The following RBM19 variants were observed in gnomAD, a reference collection of about 807,000 sequenced individuals.
RBM19 encodes the protein probable RNA-binding protein 19.
RBM19 carries 94 observed loss-of-function variants against 116.8 expected under a neutral mutation model. That is an observed-to-expected ratio of 0.80 (90% CI 0.68 to 0.95). The LOEUF is 0.95. Ranked by LOEUF, RBM19 falls within the 40% of genes least tolerant of loss-of-function variation. The pLI, the probability that RBM19 is intolerant of heterozygous loss-of-function variation, is 0.00. For missense variants in RBM19, 1,161 were observed against 1,220.7 expected, an observed-to-expected ratio of 0.95 and a Z score of 0.73; for synonymous variants, 475 against 494.1, an observed-to-expected ratio of 0.96 and a Z score of 0.51.
chr12:113,829,629 GGGT>G (rs1228965391), intron 23 of RBM19, among the ~76,000 whole-genome samples: 1 of 152,254 alleles, frequency 6.6e-6, no homozygotes, highest in Non-Finnish European at 1.5e-5. Flanking sequence ...CTGGGGCTCA[GGGT>G]GGACAGGACG....
At chr12:113,932,422 C>T (rs1174680741) in intron 16 of RBM19, 1 of 152,246 alleles carries the variant, frequency 6.6e-6, no homozygotes, top group Non-Finnish European at 1.5e-5. Context: ...GTTGGAAATC[C>T]CTAACCCTGG....
At chr12:113,826,358 C>G (rs1874856251) in intron 23 of RBM19, among the ~76,000 whole-genome samples, 1 of 152,188 alleles carries the variant, frequency 6.6e-6, no homozygotes, top group South Asian at 2.1e-4. Context: ...TCCCAATGCC[C>G]AGAACTGTGC....
chr12:113,828,089 G>C (rs889957454), intron 23 of RBM19, among the ~76,000 whole-genome samples: 1 of 131,028 alleles, frequency 7.6e-6, no homozygotes, highest in Non-Finnish European at 1.6e-5. Flanking sequence ...AGCAGCTCTC[G>C]ACTCTGTCTC....
chr12:113,955,031 A>C, intron 7 of RBM19, 100 bp downstream of exon 7: 319 of 1,175,812 alleles, frequency 2.7e-4, no homozygotes, highest in Non-Finnish European at 3.6e-4. Flanking sequence ...TCATGTCCTC[A>C]ACCGACTCTA....
rs750536410 is a variant in RBM19 at position 113,960,028 on chromosome 12, G to C, written c.339+31C>G. ...GTGAGTGACTACCCTGCTGGCAGTG[G>C]GGACAGAGGCTAGAGTGACCCTTTA... On this transcript the variant is annotated intron_variant, in intron 3 of 23. Transcript: ENST00000261741. The C allele has an allele frequency of 2.5e-6, 4 of 1,614,136 alleles. No individual in the cohort carries two copies. In the East Asian group the frequency reaches 6.7e-5, roughly 27 times the overall value.
chr12:113,833,715 T>C (rs1875632488), intron 23 of RBM19, among the ~76,000 whole-genome samples: 1 of 152,220 alleles, frequency 6.6e-6, no homozygotes, highest in Non-Finnish European at 1.5e-5. Flanking sequence ...CTGGTGGTCC[T>C]GAAGAGCTCA....
At position 113,940,054 on chromosome 12, in the gene RBM19, C is replaced by T. The variant is rs760073881; in HGVS notation, c.1844G>A (p.Arg615His). ...ETFGHFGSLGRVLLPEGGITA... is the reference protein window; with the variant it reads ...ETFGHFGSLGHVLLPEGGITA... ...GATTCCGCCCTCTGGCAGCAGCACG[C>T]GGCCCAGGCTGCCAAAATGGCCGAA... is the stretch of plus-strand genomic sequence containing the variant. Residue 615 changes from arginine to histidine, a missense_variant, in exon 15 of 24, where the codon CGC (arginine) becomes CAC (histidine). Transcript: ENST00000261741. 39 of 1,614,044 alleles carry T rather than the reference C, an allele frequency of 2.4e-5. No individual in the cohort carries two copies. The highest frequency in any genetic ancestry group is 4.4e-5 in the South Asian group (4 of 91,082).
At chr12:113,896,256 A>G (rs1001880002) in intron 21 of RBM19, among the ~76,000 whole-genome samples, 2 of 152,210 alleles carry the variant, frequency 1.3e-5, no homozygotes, top group African/African-American at 4.8e-5. Context: ...GGGTCCACCT[A>G]TCTTCCCTGT....
chr12:113,937,755 TAAAAAAAAA>T (rs35507198), intron 15 of RBM19, among the ~76,000 whole-genome samples: 63 of 118,802 alleles, frequency 5.3e-4, no homozygotes, highest in African/African-American at 1.5e-3. Context: ...TCCTGCCTCT[TAAAAAAAAA>T]AAAAAAAAAA....
At chr12:113,954,944 A>G (rs958812987) in intron 7 of RBM19, among the ~76,000 whole-genome samples, 187 bp downstream of exon 7, 1 of 152,066 alleles carries the variant, frequency 6.6e-6, no homozygotes, top group Admixed American at 6.5e-5. Flanking sequence ...GTCTTGGTGT[A>G]GCCATGCCTG....
chr12:113,942,249 C>G (rs1015651777), intron 14 of RBM19, 75 bp downstream of exon 14: 5 of 1,258,224 alleles, frequency 4.0e-6, no homozygotes, highest in Non-Finnish European at 3.4e-6. Context: ...TTAAATCCAT[C>G]TGCATCTCCC....
intron 21 of RBM19, among the ~76,000 whole-genome samples, chr12:113,871,192 A>G (rs1289968998): frequency 6.6e-6 from 1 of 152,238 alleles, no homozygotes; most frequent in African/African-American, 2.4e-5. Context: ...AAAATAAAGA[A>G]AAGAGCCCCT....
chr12:113,914,225 T>C (rs1350100175), intron 21 of RBM19, among the ~76,000 whole-genome samples: 3 of 152,246 alleles, frequency 2.0e-5, no homozygotes, highest in African/African-American at 7.2e-5. Context: ...TTACGAAGCC[T>C]GAGTTCCTGC....
chr12:113,910,803 T>G (rs934548864), intron 21 of RBM19, among the ~76,000 whole-genome samples: 2 of 150,198 alleles, frequency 1.3e-5, no homozygotes, highest in Admixed American at 1.3e-4. Flanking sequence ...TTCCAGCTTT[T>G]GAAATGGGGG....
intron 1 of RBM19, among the ~76,000 whole-genome samples, chr12:113,965,250 C>T (rs116855053): frequency 0.043 from 6,353 of 149,092 alleles, 335 homozygotes; most frequent in Admixed American, 0.16. Context: ...CCACCGCAGT[C>T]CAGCCTGGGA....
At chr12:113,897,666 C>T (rs907186640) in intron 21 of RBM19, among the ~76,000 whole-genome samples, 1 of 152,216 alleles carries the variant, frequency 6.6e-6, no homozygotes, top group African/African-American at 2.4e-5. Context: ...ACAGAAACAC[C>T]AATCTGATAG....
intron 1 of RBM19, among the ~76,000 whole-genome samples, chr12:113,965,342 A>G (rs1043850861): frequency 2.8e-5 from 4 of 142,418 alleles, no homozygotes; most frequent in Non-Finnish European, 4.6e-5. Flanking sequence ...CATGAAAGAG[A>G]GAGAAAAAAA....
chr12:113,962,519 T>C, intron 1 of RBM19, 105 bp from the exon 2 acceptor site: 1 of 1,146,272 alleles, frequency 8.7e-7, no homozygotes, highest in Non-Finnish European at 1.2e-6. Flanking sequence ...AGGGTGGCCT[T>C]AGATGAAGAG....
At chr12:113,834,616 A>C (rs1047048760) in intron 23 of RBM19, among the ~76,000 whole-genome samples, 25 of 152,216 alleles carry the variant, frequency 1.6e-4, no homozygotes, top group African/African-American at 5.8e-4. Context: ...CTGTGTTCCA[A>C]TACAACTTTA....
Sources: gnomAD v4.1 joint callset for allele counts (sites outside exome capture counted in the v4.1 genomes callset) on GRCh38, gnomAD v4.1.1 for gene constraint, MANE v1.5 for transcripts, NCBI Gene and HGNC (gene_info 2026-07-23, HGNC 2026-07-21) for gene names.